Variants in GPR149 observed in about 807,000 individuals in gnomAD.
The protein encoded by GPR149 is G protein-coupled receptor 149, also known as probable G protein-coupled receptor 149.
In GPR149, 50 loss-of-function variants were observed where a neutral mutation model predicts 50.2. That is an observed-to-expected ratio of 1.00 (90% CI 0.79 to 1.26). GPR149 has a LOEUF of 1.26. GPR149 is among the 50% of genes most tolerant of loss of function. The pLI, the probability that GPR149 is intolerant of heterozygous loss-of-function variation, is 0.00. For missense variants in GPR149, 983 were observed against 895.4 expected (o/e 1.10, Z -1.25); for synonymous variants, 405 against 358.2 (o/e 1.13, Z -1.48).
chr3:154,357,851 T>C (rs1288312651), intron 3 of GPR149, among the ~76,000 whole-genome samples: 1 of 152,200 alleles, frequency 6.6e-6, no homozygotes, highest in Non-Finnish European at 1.5e-5. Context: ...GTATGTTTAT[T>C]GCGGCACTTT....
In GPR149 at chr3:154,410,310, A is replaced by G. The variant is rs1358552119; in HGVS notation, c.1623+10729T>C. On this transcript the variant is annotated intron_variant, in intron 3 of 3. Coordinates refer to ENST00000389740, the MANE Select transcript of GPR149 (RefSeq NM_001038705.3). The stretch of plus-strand genomic sequence containing the variant: ...GCATAAATCTCATAGGACCTATATA[A>G]CAATAACAATGAAAAAAACCAAGTT... Among the ~76,000 whole-genome samples, 3 of 152,170 alleles carry G rather than the reference A, an allele frequency of 2.0e-5. No individual in the cohort carries two copies. In the East Asian group the frequency reaches 5.8e-4, roughly 29 times the overall value.
intron 3 of GPR149, among the ~76,000 whole-genome samples, chr3:154,360,750 G>C (rs1559974241): frequency 1.3e-5 from 2 of 152,148 alleles, no homozygotes; most frequent in Non-Finnish European, 2.9e-5. Flanking sequence ...CTCTGCATAT[G>C]TGCATAGAGA....
intron 3 of GPR149, among the ~76,000 whole-genome samples, chr3:154,416,362 T>C (rs1711987665): frequency 6.6e-6 from 1 of 151,796 alleles, no homozygotes; most frequent in South Asian, 2.1e-4. Context: ...ACAGAAATCA[T>C]CTGGAAGCTT....
intron 3 of GPR149, chr3:154,354,791 C>T (rs1286963698): frequency 1.5e-6 from 1 of 679,316 alleles, no homozygotes; most frequent in Non-Finnish European, 2.1e-6. Context: ...CAAGGAGTTT[C>T]CCAGGCATTA....
chr3:154,421,780 T>G (rs1229512919), intron 2 of GPR149, among the ~76,000 whole-genome samples: 1 of 151,854 alleles, frequency 6.6e-6, no homozygotes, highest in Non-Finnish European at 1.5e-5. Context: ...AGCCATACAT[T>G]AGGAAATTCT....
chr3:154,344,114 T>C (rs756668774), intron 3 of GPR149, among the ~76,000 whole-genome samples: 1 of 152,246 alleles, frequency 6.6e-6, no homozygotes, highest in African/African-American at 2.4e-5. Flanking sequence ...CAAATATTTA[T>C]AGCACTCTCA....
chr3:154,425,595 A>G (rs1712268954), intron 2 of GPR149, among the ~76,000 whole-genome samples: 1 of 152,152 alleles, frequency 6.6e-6, no homozygotes. Context: ...TAAGCATCTT[A>G]AGCTAAAGTT....
intron 3 of GPR149, among the ~76,000 whole-genome samples, chr3:154,409,778 G>A (rs952357476): frequency 6.6e-6 from 1 of 152,094 alleles, no homozygotes; most frequent in African/African-American, 2.4e-5. Flanking sequence ...TGAGGAAAAA[G>A]AGAAATCTGA....
intron 2 of GPR149, among the ~76,000 whole-genome samples, chr3:154,426,869 GGCGTGT>G (rs1215629763): frequency 1.1e-4 from 9 of 85,002 alleles, no homozygotes; most frequent in African/African-American, 3.2e-4. Context: ...TTTGGACCAG[GGCGTGT>G]GTGTGTGTGT....
intron 2 of GPR149, among the ~76,000 whole-genome samples, chr3:154,425,179 G>C (rs1343237485): frequency 6.6e-6 from 1 of 151,938 alleles, no homozygotes; most frequent in African/African-American, 2.4e-5. Context: ...TCATTTTCTG[G>C]TTGCACTTCT....
chr3:154,341,340 TAA>T (rs58741668), intron 3 of GPR149, among the ~76,000 whole-genome samples: 19 of 106,030 alleles, frequency 1.8e-4, no homozygotes, highest in African/African-American at 5.8e-4. Context: ...TATATATATA[TAA>T]AATGAGTAGG....
chr3:154,394,424 A>C (rs1715243290), intron 3 of GPR149, among the ~76,000 whole-genome samples: 1 of 152,108 alleles, frequency 6.6e-6, no homozygotes, highest in Admixed American at 6.6e-5. Context: ...ATAAGTCCTG[A>C]AACTGTAAAA....
chr3:154,342,026 T>A (rs1713810214), intron 3 of GPR149, among the ~76,000 whole-genome samples: 1 of 152,198 alleles, frequency 6.6e-6, no homozygotes. Flanking sequence ...AAAATTAAGT[T>A]AGATACCTAT....
intron 3 of GPR149, chr3:154,352,126 T>C: frequency 1.5e-6 from 1 of 689,006 alleles, no homozygotes; most frequent in Non-Finnish European, 2.3e-6. Context: ...GTAGATTAAG[T>C]ATCAAATATT....
intron 3 of GPR149, among the ~76,000 whole-genome samples, chr3:154,414,698 C>T (rs375778538): frequency 5.3e-5 from 8 of 152,026 alleles, no homozygotes; most frequent in Non-Finnish European, 8.8e-5. Flanking sequence ...CTAGAAAAGA[C>T]GAACATCACT....
chr3:154,428,914 A>T lies in GPR149; in HGVS notation c.702T>A (p.Arg234=), dbSNP rs1279813450. 1 of 1,613,888 alleles carries T rather than the reference A, an allele frequency of 6.2e-7. No homozygotes were observed. The highest frequency in any genetic ancestry group is 8.5e-7 in the Non-Finnish European group (1 of 1,179,952). ...RLHSNYQEIS[R]GASIPGTPPT... ...GAGGGGTCCCAGGAATTGAAGCTCC[A>T]CGGGAAATTTCCTGGTAGTTGGAGT... The change falls in exon 1 of 4, where the codon CGT becomes CGA. Residue 234 remains arginine, a synonymous_variant. Coordinates refer to ENST00000389740, the MANE Select transcript of GPR149 (RefSeq NM_001038705.3).
chr3:154,429,833 A>C lies in GPR149; in HGVS notation c.-218T>G. 2.5e-6 allele frequency: 1 copy of C among 400,718 alleles called. No homozygotes were observed. Among genetic ancestry groups the C allele is most frequent in the East Asian group, 4.3e-5 (1 of 23,290 alleles). The allele number at this position is 400,718 out of a possible 1,614,324, so 24.8% of individuals were successfully genotyped here. Reference sequence around the variant, plus strand: ...TCCATTTCAAGCATAAAAAAAAAAAAACCCGAACAGATAACTTTTCAACAT... The same window carrying C: ...TCCATTTCAAGCATAAAAAAAAAAACACCCGAACAGATAACTTTTCAACAT... On this transcript the variant is annotated 5_prime_UTR_variant, in exon 1 of 4. Coordinates refer to ENST00000389740, the MANE Select transcript of GPR149 (RefSeq NM_001038705.3).
chr3:154,417,832 T>C (rs1484165934), intron 3 of GPR149, among the ~76,000 whole-genome samples: 1 of 152,128 alleles, frequency 6.6e-6, no homozygotes, highest in African/African-American at 2.4e-5. Flanking sequence ...AATTAAAAGT[T>C]GTTTTAGTCT....
chr3:154,385,108 G>A (rs896158793), intron 3 of GPR149, among the ~76,000 whole-genome samples: 4 of 152,158 alleles, frequency 2.6e-5, no homozygotes, highest in African/African-American at 9.7e-5. Context: ...GCATAGCTGA[G>A]CTTATGTGTT....
Sources: allele counts gnomAD v4.1 joint callset (sites outside exome capture counted in the v4.1 genomes callset), GRCh38; gene constraint gnomAD v4.1.1; transcripts MANE v1.5; gene names NCBI Gene and HGNC (gene_info 2026-07-23, HGNC 2026-07-21).